EPB41L2: variants seen among roughly 807,000 people sequenced by gnomAD.
EPB41L2 encodes erythrocyte membrane protein band 4.1 like 2, also known as band 4.1-like protein 2.
EPB41L2 carries 43 observed loss-of-function variants against 113.0 expected under a neutral mutation model. That is an observed-to-expected ratio of 0.38 (90% CI 0.30 to 0.49). The LOEUF (loss-of-function observed/expected upper bound fraction) is 0.49. Among genes scored for constraint, EPB41L2 ranks in the 20% least tolerant of loss-of-function variants. The pLI is 0.95. For missense variants in EPB41L2, 1,147 were observed against 1,223.4 expected (o/e 0.94, Z 0.93); for synonymous variants, 442 against 436.7 (o/e 1.01, Z -0.15).
chr6:131,005,246 G>C (rs1785227646), intron 1 of EPB41L2, among the ~76,000 whole-genome samples: 1 of 151,448 alleles, frequency 6.6e-6, no homozygotes. Context: ...TACTGCTGGT[G>C]ATGTGGTTTA....
intron 1 of EPB41L2, among the ~76,000 whole-genome samples, chr6:131,020,513 T>C (rs990387832): frequency 3.3e-5 from 5 of 152,244 alleles, no homozygotes; most frequent in Admixed American, 1.3e-4. Context: ...CTCTATCTAC[T>C]GCTTCCACAC....
chr6:130,977,852 A>G (rs1345383314), intron 1 of EPB41L2, among the ~76,000 whole-genome samples: 1 of 152,260 alleles, frequency 6.6e-6, no homozygotes, highest in African/African-American at 2.4e-5. Flanking sequence ...AGCTACTGGT[A>G]AAGTGCAAAA....
chr6:131,039,245 C>A (rs192866473), intron 1 of EPB41L2, among the ~76,000 whole-genome samples: 1 of 152,274 alleles, frequency 6.6e-6, no homozygotes, highest in Admixed American at 6.5e-5. Flanking sequence ...AAGGTTAGGA[C>A]GCAAACCCCT....
At chr6:130,955,899 A>C in intron 2 of EPB41L2, 95 bp downstream of exon 2, 1 of 1,520,702 alleles carries the variant, frequency 6.6e-7, no homozygotes. Context: ...ATCTCAGTAC[A>C]AGAAATCTGG....
chr6:130,966,300 T>TA (rs924171851), intron 1 of EPB41L2, among the ~76,000 whole-genome samples: 76 of 152,128 alleles, frequency 5.0e-4, no homozygotes, highest in African/African-American at 1.8e-3. Flanking sequence ...TATGCAACTG[T>TA]AAAGAGAAAA....
chr6:130,980,597 T>G (rs1351951796), intron 1 of EPB41L2, among the ~76,000 whole-genome samples: 2 of 152,122 alleles, frequency 1.3e-5, no homozygotes, highest in Non-Finnish European at 2.9e-5. Context: ...CTAACAACTT[T>G]GGAGCATTTT....
At chr6:131,056,940 C>A (rs1430716945) in intron 1 of EPB41L2, among the ~76,000 whole-genome samples, 1 of 152,032 alleles carries the variant, frequency 6.6e-6, no homozygotes, top group Non-Finnish European at 1.5e-5. Context: ...AGGATTATAT[C>A]AGAATTCAGT....
In EPB41L2 at chr6:130,899,494, G is replaced by T; in HGVS notation, c.1233C>A (p.Ala411=). 1 of 1,612,588 alleles carries T rather than the reference G, an allele frequency of 6.2e-7. No homozygotes were observed. The highest frequency in any genetic ancestry group is 8.5e-7 in the Non-Finnish European group (1 of 1,178,706). ...CTCCCCGTTACATTTACAGTACCTT[G>T]GCATGATGTAGGTCAACACCATACA... ...LSMYGVDLHH[A]KDSEGVDIKL... is the part of the protein sequence containing the mutation. The change falls in exon 8 of 20, where the codon GCC becomes GCA. Residue 411 remains alanine, a synonymous_variant. Transcript: ENST00000337057.
In EPB41L2 at chr6:130,948,086, T is replaced by C. The variant is rs181351507; in HGVS notation, c.705+7019A>G. Among the ~76,000 whole-genome samples, 6 of 152,358 alleles carry C rather than the reference T, an allele frequency of 3.9e-5. No individual in the cohort carries two copies. The East Asian group carries it at 9.6e-4, about 24-fold the overall frequency. Reference sequence around the variant, plus strand: ...AAATGCTGTTTTTAAGCTTATTTCATCATGTCTTGTCCTCCAAAGTTCATT... The same window carrying C: ...AAATGCTGTTTTTAAGCTTATTTCACCATGTCTTGTCCTCCAAAGTTCATT... On this transcript the variant is annotated intron_variant, in intron 3 of 19. Coordinates refer to ENST00000337057, the MANE Select transcript of EPB41L2 (RefSeq NM_001431.4).
intron 17 of EPB41L2, among the ~76,000 whole-genome samples, chr6:130,864,428 T>C (rs1486846673): frequency 6.6e-6 from 1 of 152,196 alleles, no homozygotes; most frequent in South Asian, 2.1e-4. Flanking sequence ...ACATGGCGCA[T>C]GGCTAGACAA....
intron 1 of EPB41L2, among the ~76,000 whole-genome samples, chr6:130,992,840 C>T (rs1009188087): frequency 3.9e-5 from 6 of 151,968 alleles, no homozygotes; most frequent in Non-Finnish European, 7.4e-5. Flanking sequence ...TTGGCCAGGA[C>T]GGTCTTGACC....
At chr6:131,051,924 C>T (rs1796642927) in intron 1 of EPB41L2, among the ~76,000 whole-genome samples, 1 of 144,556 alleles carries the variant, frequency 6.9e-6, no homozygotes, top group Non-Finnish European at 1.5e-5. Context: ...GTAGCCTGTG[C>T]TGTGTTGATT....
At chr6:131,013,079 G>A (rs1474501438) in intron 1 of EPB41L2, among the ~76,000 whole-genome samples, 3 of 152,156 alleles carry the variant, frequency 2.0e-5, no homozygotes, top group Admixed American at 1.3e-4. Context: ...TGTAACCAAT[G>A]TAAGAACATG....
At chr6:130,914,591 A>G (rs1327660783) in intron 4 of EPB41L2, among the ~76,000 whole-genome samples, 2 of 152,158 alleles carry the variant, frequency 1.3e-5, no homozygotes, top group African/African-American at 2.4e-5. Context: ...AGAACATCCT[A>G]AAACATTCTC....
At chr6:130,922,837 T>A (rs1803326066) in intron 4 of EPB41L2, among the ~76,000 whole-genome samples, 1 of 152,214 alleles carries the variant, frequency 6.6e-6, no homozygotes, top group South Asian at 2.1e-4. Context: ...GAATATGATA[T>A]TCACATCAGG....
chr6:131,017,933 A>T (rs1788607308), intron 1 of EPB41L2, among the ~76,000 whole-genome samples: 1 of 152,234 alleles, frequency 6.6e-6, no homozygotes, highest in African/African-American at 2.4e-5. Context: ...TGCATTGTGT[A>T]CAATTATGCT....
intron 8 of EPB41L2, 39 bp from the exon 9 acceptor site, chr6:130,895,158 T>C (rs749648266): frequency 7.7e-6 from 12 of 1,551,862 alleles, no homozygotes; most frequent in Admixed American, 1.9e-5. Context: ...TTAAGAGCTG[T>C]GAAAGTTACA....
chr6:130,859,213 C>T (rs1052894923), intron 18 of EPB41L2, among the ~76,000 whole-genome samples: 1 of 152,102 alleles, frequency 6.6e-6, no homozygotes, highest in Non-Finnish European at 1.5e-5. Flanking sequence ...ATCAGAGAAC[C>T]CTTGAAGTCT....
chr6:130,848,444 A>G lies in EPB41L2; in HGVS notation c.*6-7846T>C, dbSNP rs1315360939. ...AATTTTAATGTAGTTATTAAACCCA[A>G]TATATCCAAATTATTATTTCAATAA... On this transcript the variant is annotated intron_variant, in intron 19 of 19. Coordinates refer to ENST00000337057, the MANE Select transcript of EPB41L2 (RefSeq NM_001431.4). Among the ~76,000 whole-genome samples the G allele has an allele frequency of 2.6e-5, 4 of 152,236 alleles. No individual in the cohort carries two copies. In the East Asian group the frequency reaches 7.7e-4, roughly 29 times the overall value.
Sources: gnomAD v4.1 joint callset for allele counts (sites outside exome capture counted in the v4.1 genomes callset) on GRCh38, gnomAD v4.1.1 for gene constraint, MANE v1.5 for transcripts, NCBI Gene and HGNC (gene_info 2026-07-23, HGNC 2026-07-21) for gene names.